TEX15: variants seen among roughly 807,000 people sequenced by gnomAD.
The protein encoded by TEX15 is testis expressed 15, meiosis and synapsis associated, also known as testis-expressed protein 15.
Under a neutral mutation model 237.3 loss-of-function variants are expected in TEX15, and 171 were observed. The ratio of observed to expected loss-of-function variants is 0.72; its 90% confidence interval spans 0.64 to 0.82. The LOEUF (loss-of-function observed/expected upper bound fraction) is 0.82, where lower values mean the gene tolerates loss of function less well. Ranked by LOEUF, TEX15 falls within the 40% of genes least tolerant of loss-of-function variation. The pLI is 0.00. For synonymous variants in TEX15, 1,338 were observed against 1,269.8 expected (o/e 1.05, Z -1.14); for missense variants, 3,750 against 3,646.5 (o/e 1.03, Z -0.73).
rs1807649816 is a variant in TEX15, at chr8:30,847,559, T to C, written c.2608A>G (p.Asn870Asp). The C allele has an allele frequency of 6.2e-7, 1 of 1,612,940 alleles. No individual in the cohort carries two copies. Among genetic ancestry groups the C allele is most frequent in the South Asian group, 1.1e-5 (1 of 90,964 alleles). Reference sequence around the variant, plus strand: ...TTGTTTTCTACACATGAAGCACTATTCTCTTTAGCCTCATTTTGGTTTTCT... The same window carrying C: ...TTGTTTTCTACACATGAAGCACTATCCTCTTTAGCCTCATTTTGGTTTTCT... The part of the protein sequence containing the change: ...DRENQNEAKE[N>D]SASCVENNIE... Residue 870 changes from asparagine (N) to aspartate (D), a missense_variant, in exon 8 of 11, where the codon AAT becomes GAT. By Grantham distance (23) the Asn-to-Asp change is conservative. Transcript: ENST00000643185.
At chr8:30,887,942 C>G (rs1230813770) in intron 2 of TEX15, among the ~76,000 whole-genome samples, 1 of 108,880 alleles carries the variant, frequency 9.2e-6, no homozygotes, top group African/African-American at 3.0e-5. Flanking sequence ...ATTTTTGTTT[C>G]TAATGCATTT....
At chr8:30,869,628 C>G (rs1055870881) in intron 4 of TEX15, among the ~76,000 whole-genome samples, 2 of 151,980 alleles carry the variant, frequency 1.3e-5, no homozygotes, top group African/African-American at 4.8e-5. Flanking sequence ...TACCAATCAC[C>G]TAAAGATCCT....
Position 30,878,096 on chromosome 8 carries a change from C to CT in TEX15, c.137-2995dup, listed in dbSNP as rs36096573. On this transcript the variant is annotated intron_variant, in intron 3 of 10. Coordinates refer to ENST00000643185, the MANE Select transcript of TEX15 (RefSeq NM_001350162.2). Reference sequence around the variant, plus strand: ...TGTAGTATGAGACCTGTAAAGATTGCTTTTTTTTTTTTTTTTTGCTTAGCA... The same window carrying CT: ...TGTAGTATGAGACCTGTAAAGATTGCTTTTTTTTTTTTTTTTTTGCTTAGCA... 5.7e-3 allele frequency among the ~76,000 whole-genome samples: 671 copies of CT among 118,132 alleles called. 17 individuals carry two copies. The highest frequency in any genetic ancestry group is 9.0e-3 in the South Asian group (34 of 3,758). The allele number at this position is 118,132 out of a possible 152,430, so 77.5% of individuals were successfully genotyped here.
chr8:30,877,129 CTT>C (rs1808415952), intron 3 of TEX15, among the ~76,000 whole-genome samples: 1 of 152,140 alleles, frequency 6.6e-6, no homozygotes, highest in Non-Finnish European at 1.5e-5. Context: ...GAAAAGAACA[CTT>C]ATTGCAGTAT....
chr8:30,866,730 C>CAT (rs1808176708), intron 5 of TEX15, among the ~76,000 whole-genome samples: 1 of 141,370 alleles, frequency 7.1e-6, no homozygotes, highest in African/African-American at 3.1e-5. Context: ...CACACATACA[C>CAT]ACACACACAC....
chr8:30,896,780 T>C (rs1444696427), intron 2 of TEX15, among the ~76,000 whole-genome samples: 2 of 151,786 alleles, frequency 1.3e-5, no homozygotes, highest in African/African-American at 2.4e-5. Context: ...TAGTAATTTA[T>C]TTGGGGAGAA....
Position 30,887,415 on chromosome 8 carries a change from T to C in TEX15, c.-9-104A>G, listed in dbSNP as rs1225333886. On this transcript the variant is annotated intron_variant, in intron 2 of 10. Coordinates refer to ENST00000643185, the MANE Select transcript of TEX15 (RefSeq NM_001350162.2). ...TCTTCAACAAAAGTAAATGGTAAAA[T>C]GTTCTTAGTCAACTGTCAGAAAGTT... 4 of 1,062,974 alleles carry C rather than the reference T, an allele frequency of 3.8e-6. No homozygotes were observed. The East Asian group carries it at 1.2e-4, about 32-fold the overall frequency. 65.8% of individuals were successfully genotyped at this position (1,062,974 alleles called of 1,614,324 possible).
intron 1 of TEX15, among the ~76,000 whole-genome samples, chr8:30,910,199 CAAGT>C (rs1809190182): frequency 6.6e-6 from 1 of 151,864 alleles, no homozygotes; most frequent in African/African-American, 2.4e-5. Flanking sequence ...TTAAAGTGCT[CAAGT>C]ACACTAGTAG....
Position 30,847,167 on chromosome 8 carries a change from G to T in TEX15, c.3000C>A (p.Asp1000Glu). 6.2e-7 allele frequency: 1 copy of T among 1,613,806 alleles called. No individual in the cohort carries two copies. Reference sequence around the variant, plus strand: ...CTTTAAACTGGTATATCTGGTGATCGTCATTATTTAGGCTTAATGCAGGCA... The same window carrying T: ...CTTTAAACTGGTATATCTGGTGATCTTCATTATTTAGGCTTAATGCAGGCA... ...ATMPALSLNN[D>E]DHQIYQFKET... Residue 1000 changes from aspartate (D) to glutamate (E), a missense_variant, in exon 8 of 11, where the codon GAC becomes GAA. By Grantham distance (45) the Asp-to-Glu change is conservative. Coordinates refer to ENST00000643185, the MANE Select transcript of TEX15 (RefSeq NM_001350162.2).
Position 30,845,090 on chromosome 8 carries a change from G to A in TEX15, c.5077C>T (p.Gln1693Ter), listed in dbSNP as rs746289581. ...KWTDPIERPK[Q>*]NIITGNFLMG... ...AGGAAGTTTCCTGTAATAATGTTTT[G>A]TTTGGGTCTCTCAATAGGATCTGTC... Residue 1693 changes from glutamine to a stop codon, truncating the protein, a stop_gained, in exon 8 of 11, where the codon CAA (glutamine) becomes TAA (stop). Coordinates refer to ENST00000643185, the MANE Select transcript of TEX15 (RefSeq NM_001350162.2). LOFTEE classifies it high-confidence loss of function. 14 of 1,613,400 alleles carry A rather than the reference G, an allele frequency of 8.7e-6. No homozygotes were observed. The highest frequency in any genetic ancestry group is 1.1e-5 in the Non-Finnish European group (13 of 1,179,542).
chr8:30,885,664 T>G (rs1313195043), intron 3 of TEX15, among the ~76,000 whole-genome samples: 1 of 152,196 alleles, frequency 6.6e-6, no homozygotes, highest in Non-Finnish European at 1.5e-5. Context: ...CTGTGTGTGC[T>G]TGAGAAGAAT....
At chr8:30,867,889 T>A (rs564873544) in intron 4 of TEX15, among the ~76,000 whole-genome samples, 1 of 152,184 alleles carries the variant, frequency 6.6e-6, no homozygotes, top group South Asian at 2.1e-4. Flanking sequence ...GAAAGTTAAA[T>A]CTTGCCGAAG....
intron 1 of TEX15, among the ~76,000 whole-genome samples, chr8:30,910,610 C>CTTTTTTT (rs796129316): frequency 1.0e-5 from 1 of 97,910 alleles, no homozygotes; most frequent in Non-Finnish European, 1.9e-5. Context: ...CACGCCTGGC[C>CTTTTTTT]TTTTTTTTTT....
intron 1 of TEX15, among the ~76,000 whole-genome samples, chr8:30,902,615 A>G (rs1449785521): frequency 1.3e-5 from 2 of 152,232 alleles, no homozygotes; most frequent in Non-Finnish European, 2.9e-5. Context: ...TAGTGAAGTA[A>G]CAGACCAGCA....
At chr8:30,909,186 T>TTG (rs1809168859) in intron 1 of TEX15, among the ~76,000 whole-genome samples, 1 of 152,142 alleles carries the variant, frequency 6.6e-6, no homozygotes, top group African/African-American at 2.4e-5. Context: ...TAAAAAATCT[T>TTG]CAAATTTAGT....
chr8:30,894,738 T>C (rs1352908291), intron 2 of TEX15, among the ~76,000 whole-genome samples: 1 of 151,966 alleles, frequency 6.6e-6, no homozygotes, highest in African/African-American at 2.4e-5. Context: ...AAGATAAGAG[T>C]TAAAACTATC....
intron 3 of TEX15, among the ~76,000 whole-genome samples, chr8:30,881,505 GCTT>G (rs1808519300): frequency 6.6e-6 from 1 of 151,532 alleles, no homozygotes; most frequent in South Asian, 2.1e-4. Context: ...GTAATTTATG[GCTT>G]CTTTTTCCTT....
chr8:30,881,244 A>G (rs1808512950), intron 3 of TEX15, among the ~76,000 whole-genome samples: 1 of 152,096 alleles, frequency 6.6e-6, no homozygotes, highest in Admixed American at 6.6e-5. Context: ...AACCATGGTA[A>G]TATTAATCTC....
chr8:30,862,961 T>C (rs1253814927), intron 5 of TEX15, among the ~76,000 whole-genome samples: 3 of 152,102 alleles, frequency 2.0e-5, no homozygotes, highest in Non-Finnish European at 4.4e-5. Flanking sequence ...GAGTAGGAGG[T>C]ACCAGACATC....
Sources: gnomAD v4.1 joint callset for allele counts (sites outside exome capture counted in the v4.1 genomes callset) on GRCh38, gnomAD v4.1.1 for gene constraint, MANE v1.5 for transcripts, NCBI Gene and HGNC (gene_info 2026-07-23, HGNC 2026-07-21) for gene names.